The following GLB1L3 variants were observed in gnomAD, a reference collection of about 807,000 sequenced individuals.
GLB1L3 encodes galactosidase beta 1 like 3.
In GLB1L3, 89 loss-of-function variants were observed where a neutral mutation model predicts 89.5. That is an observed-to-expected ratio of 0.99 (90% CI 0.84 to 1.19). The LOEUF (loss-of-function observed/expected upper bound fraction) is 1.19, where lower values mean the gene tolerates loss of function less well. Among genes scored for constraint, GLB1L3 ranks in the 50% most tolerant of loss-of-function variants. The probability of loss-of-function intolerance (pLI) is 0.00; values close to 1 mark genes in which losing one functional copy is unlikely to be tolerated. For synonymous variants in GLB1L3, 314 were observed against 312.3 expected (o/e 1.01, Z -0.06); for missense variants, 812 against 813.3 (o/e 1.00, Z 0.02).
chr11:134,309,331 T>C (rs1203593422), intron 10 of GLB1L3, among the ~76,000 whole-genome samples: 1 of 152,198 alleles, frequency 6.6e-6, no homozygotes, highest in Non-Finnish European at 1.5e-5. Context: ...ACATTTGCAG[T>C]AGGTCTTTAA....
At chr11:134,308,205 C>G (rs1311121526) in intron 10 of GLB1L3, among the ~76,000 whole-genome samples, 1 of 29,910 alleles carries the variant, frequency 3.3e-5, no homozygotes, top group Non-Finnish European at 6.8e-5. Flanking sequence ...ATCACCACTA[C>G]CACCACCACC....
At position 134,277,869 on chromosome 11, in the gene GLB1L3, C is replaced by T. The variant is rs376609958; in HGVS notation, c.319C>T (p.Arg107Cys). 7 of 1,613,934 alleles carry T rather than the reference C, an allele frequency of 4.3e-6. No individual in the cohort carries two copies. The South Asian group carries it at 6.6e-5, about 15-fold the overall frequency. Residue 107 changes from arginine to cysteine, a missense_variant, in exon 3 of 20, where the codon CGC (arginine) becomes TGC (cysteine). By Grantham distance (180) the Arg-to-Cys change is radical. Coordinates refer to ENST00000431683, the MANE Select transcript of GLB1L3 (RefSeq NM_001080407.3). ...FRVPREYWRD[R>C]LLKLKACGFN... is the part of the protein sequence containing the mutation. ...GGTGCCCAGGGAGTACTGGAGGGAC[C>T]GCCTGCTGAAGCTGAAGGCCTGTGG...
intron 15 of GLB1L3, 106 bp from the exon 16 acceptor site, chr11:134,313,290 C>T: frequency 1.3e-6 from 1 of 791,354 alleles, no homozygotes; most frequent in Non-Finnish European, 2.1e-6. Context: ...CTGGAGCCTC[C>T]TGTTCTCCCA....
rs929397828 is a variant in GLB1L3, at chr11:134,292,986, C to A, written c.812-159C>A. On this transcript the variant is annotated intron_variant, in intron 8 of 19. Transcript: ENST00000431683. Reference sequence around the variant, plus strand: ...AGGGATGTGGCGATGGCCGTGGCAGCCCTTTGGATGTGGCAGAGTGGGGTC... The same window carrying A: ...AGGGATGTGGCGATGGCCGTGGCAGACCTTTGGATGTGGCAGAGTGGGGTC... 4.5e-6 allele frequency: 3 copies of A among 667,554 alleles called. No individual in the cohort carries two copies. In the East Asian group the frequency reaches 8.1e-5, roughly 18 times the overall value. The allele number at this position is 667,554 out of a possible 1,614,324, so 41.4% of individuals were successfully genotyped here.
intron 18 of GLB1L3, among the ~76,000 whole-genome samples, chr11:134,317,613 T>A (rs1029848920): frequency 3.3e-5 from 5 of 152,214 alleles, no homozygotes; most frequent in South Asian, 4.1e-4. Context: ...TTCTGAGGTA[T>A]ACTTGAAAGA....
chr11:134,315,185 A>G (rs1942929386), intron 18 of GLB1L3, among the ~76,000 whole-genome samples: 1 of 152,182 alleles, frequency 6.6e-6, no homozygotes, highest in South Asian at 2.1e-4. Flanking sequence ...TCACTGTTGT[A>G]TTGGGTTCAT....
chr11:134,291,271 T>C (rs932768773), intron 7 of GLB1L3, among the ~76,000 whole-genome samples: 1 of 145,210 alleles, frequency 6.9e-6, no homozygotes, highest in Admixed American at 7.1e-5. Context: ...TCCTCCCATA[T>C]GCTTTTTTTT....
chr11:134,285,852 C>T (rs960555073), intron 6 of GLB1L3, among the ~76,000 whole-genome samples: 2 of 150,794 alleles, frequency 1.3e-5, no homozygotes, highest in Admixed American at 6.6e-5. Flanking sequence ...GTAAATATGG[C>T]AAACATATAG....
chr11:134,278,366 C>T (rs1239617397), intron 3 of GLB1L3, among the ~76,000 whole-genome samples: 3 of 152,110 alleles, frequency 2.0e-5, no homozygotes, highest in Non-Finnish European at 4.4e-5. Flanking sequence ...CTCACGGCAG[C>T]TTCTACTTCT....
chr11:134,310,953 ATAG>A (rs1942701585), intron 12 of GLB1L3, 108 bp from the exon 13 acceptor site: 1 of 758,766 alleles, frequency 1.3e-6, no homozygotes, highest in Admixed American at 2.1e-5. Flanking sequence ...CATGGATGAC[ATAG>A]TAACCCCCAA....
intron 5 of GLB1L3, 48 bp downstream of exon 5, chr11:134,282,168 C>T (rs986867030): frequency 3.1e-5 from 46 of 1,501,424 alleles, no homozygotes; most frequent in Non-Finnish European, 4.0e-5. Context: ...GAAGTATTTG[C>T]TTTAAAAAAA....
chr11:134,314,238 C>A, intron 17 of GLB1L3, 92 bp from the exon 18 acceptor site: 1 of 853,440 alleles, frequency 1.2e-6, no homozygotes, highest in Non-Finnish European at 1.9e-6. Context: ...TGAAACAGAA[C>A]CTTAGGCTCG....
intron 7 of GLB1L3, among the ~76,000 whole-genome samples, chr11:134,289,970 G>T (rs1350938795): frequency 6.6e-6 from 1 of 152,228 alleles, no homozygotes; most frequent in Non-Finnish European, 1.5e-5. Context: ...TGCCTGTGCG[G>T]AGACCTCTGG....
intron 1 of GLB1L3, 137 bp downstream of exon 1, chr11:134,276,900 T>G: frequency 1.3e-6 from 1 of 748,840 alleles, no homozygotes; most frequent in Non-Finnish European, 1.9e-6. Flanking sequence ...AAGCCCGCTG[T>G]CCCCAGCTTT....
At chr11:134,279,318 TCC>T (rs1160439308) in intron 3 of GLB1L3, among the ~76,000 whole-genome samples, 1 of 151,476 alleles carries the variant, frequency 6.6e-6, no homozygotes, top group Non-Finnish European at 1.5e-5. Flanking sequence ...CATCCTGCTC[TCC>T]CCCTTTTTTT....
chr11:134,276,583 C>G lies in GLB1L3; in HGVS notation c.-158C>G. On this transcript the variant is annotated 5_prime_UTR_variant, in exon 1 of 20. Transcript: ENST00000431683. The stretch of plus-strand genomic sequence containing the variant: ...CCTTGGGACCCGGACCCGGCGCCCG[C>G]GCCTCGGGACGGATTTCTGCCTCGG... The G allele has an allele frequency of 1.6e-6, 1 of 614,588 alleles. No homozygotes were observed. Among genetic ancestry groups the G allele is most frequent in the African/African-American group, 1.9e-5 (1 of 52,110 alleles). 38.1% of individuals were successfully genotyped at this position (614,588 alleles called of 1,614,324 possible). A position where few individuals can be genotyped will look rare whatever the true frequency, so the allele number is the denominator to read the frequency against.
rs754353784 is a variant in GLB1L3, at chr11:134,308,354, CACT to C, written c.961+1149_961+1151del. On this transcript the variant is annotated intron_variant, in intron 10 of 19. Transcript: ENST00000431683. ...TCACCATCACCATCATCACCATCAC[CACT>C]ACCACCACCACCACCACCACCATCA... Among the ~76,000 whole-genome samples the C allele has an allele frequency of 7.3e-4, 24 of 33,084 alleles. 2 individuals carry two copies. Among genetic ancestry groups the C allele is most frequent in the South Asian group, 5.5e-3 (3 of 544 alleles). 21.7% of individuals were successfully genotyped at this position (33,084 alleles called of 152,430 possible).
rs1354521736 is a variant in GLB1L3 at position 134,276,702 on chromosome 11, G to A, written c.-39G>A. 2.1e-6 allele frequency: 3 copies of A among 1,426,294 alleles called. No individual in the cohort carries two copies. The highest frequency in any genetic ancestry group is 1.8e-6 in the Non-Finnish European group (2 of 1,090,190). 88.4% of individuals were successfully genotyped at this position (1,426,294 alleles called of 1,614,324 possible). On this transcript the variant is annotated 5_prime_UTR_variant, in exon 1 of 20. Transcript: ENST00000431683. The stretch of plus-strand genomic sequence containing the variant: ...GCGTCGGGGCCAGCGGAGAGGGGCG[G>A]AAGCCGCAAGGGACCCTCGGCGCCT...
intron 9 of GLB1L3, among the ~76,000 whole-genome samples, chr11:134,297,096 A>G (rs1941693668): frequency 6.6e-6 from 1 of 152,000 alleles, no homozygotes; most frequent in Non-Finnish European, 1.5e-5. Flanking sequence ...GTGCATTCAC[A>G]TTTAGGATTA....
Sources: allele counts gnomAD v4.1 joint callset (sites outside exome capture counted in the v4.1 genomes callset), GRCh38; gene constraint gnomAD v4.1.1; transcripts MANE v1.5; gene names NCBI Gene and HGNC (gene_info 2026-07-23, HGNC 2026-07-21).